LRGUK: variants seen among roughly 807,000 people sequenced by gnomAD.
The protein encoded by LRGUK is leucine-rich repeat and guanylate kinase domain-containing protein.
LRGUK carries 65 observed loss-of-function variants against 76.0 expected under a neutral mutation model. The ratio of observed to expected loss-of-function variants is 0.85; its 90% CI spans 0.70 to 1.05. The LOEUF (loss-of-function observed/expected upper bound fraction) is 1.05. LRGUK is among the 50% of genes least tolerant of loss of function. The pLI is 0.00. For synonymous variants in LRGUK, 268 were observed against 265.6 expected (o/e 1.01, Z -0.09); for missense variants, 758 against 732.8 (o/e 1.03, Z -0.40).
At chr7:134,241,120 G>A (rs536845481) in intron 16 of LRGUK, among the ~76,000 whole-genome samples, 3 of 152,120 alleles carry the variant, frequency 2.0e-5, no homozygotes, top group South Asian at 2.1e-4. Flanking sequence ...AAAGACCATC[G>A]ATGCTAGGAA....
At chr7:134,129,152 CTCTTTCTT>C (rs1426239410) in intron 1 of LRGUK, among the ~76,000 whole-genome samples, 1 of 124,684 alleles carries the variant, frequency 8.0e-6, no homozygotes, top group African/African-American at 3.1e-5. Flanking sequence ...CCCTTCCTTC[CTCTTTCTT>C]TCTTTCTTTC....
rs556802944 is a variant in LRGUK at position 134,198,920 on chromosome 7, A to AG, written c.1546-300_1546-299insG. On this transcript the variant is annotated intron_variant, in intron 13 of 15. Coordinates refer to ENST00000645682, the Ensembl canonical transcript of LRGUK. ...TAATAAAGTTGCAATATTGCTATGA[A>AG]TGTACCTATTTTATATCCAGCAATT... Among the ~76,000 whole-genome samples the AG allele has an allele frequency of 1.8e-3, 279 of 152,302 alleles. 1 individual carries two copies. Among genetic ancestry groups the AG allele is most frequent in the African/African-American group, 6.4e-3 (265 of 41,558 alleles).
intron 16 of LRGUK, among the ~76,000 whole-genome samples, chr7:134,232,544 C>G (rs946637142): frequency 6.6e-6 from 1 of 152,172 alleles, no homozygotes; most frequent in South Asian, 2.1e-4. Context: ...TCCCAAAGTG[C>G]TGGGATTACA....
At chr7:134,147,354 G>T (rs1563143610) in intron 4 of LRGUK, among the ~76,000 whole-genome samples, 2 of 151,098 alleles carry the variant, frequency 1.3e-5, no homozygotes, top group African/African-American at 4.9e-5. Context: ...AGAATTGCTT[G>T]AACCTGTGAG....
chr7:134,159,473 G>A (rs945297778), intron 6 of LRGUK, among the ~76,000 whole-genome samples: 27 of 152,048 alleles, frequency 1.8e-4, no homozygotes, highest in African/African-American at 6.3e-4. Flanking sequence ...CTTTCCCTTA[G>A]CTTAGAGCTC....
At chr7:134,151,687 C>T (rs185765796) in intron 5 of LRGUK, among the ~76,000 whole-genome samples, 3 of 152,062 alleles carry the variant, frequency 2.0e-5, no homozygotes, top group Admixed American at 1.3e-4. Flanking sequence ...CATGTATTAC[C>T]ACCAAATTGG....
intron 11 of LRGUK, among the ~76,000 whole-genome samples, chr7:134,191,084 C>T (rs575039034): frequency 1.6e-4 from 24 of 152,208 alleles, no homozygotes; most frequent in African/African-American, 5.5e-4. Flanking sequence ...AAGCACAGGG[C>T]ACATGAGATA....
intron 16 of LRGUK, among the ~76,000 whole-genome samples, chr7:134,236,126 A>G (rs1034241336): frequency 1.3e-5 from 2 of 152,122 alleles, no homozygotes; most frequent in African/African-American, 2.4e-5. Context: ...ATTAAAAAAC[A>G]AGGAAAATAA....
intron 13 of LRGUK, among the ~76,000 whole-genome samples, chr7:134,198,905 G>T (rs1800630749): frequency 6.6e-6 from 1 of 152,122 alleles, no homozygotes; most frequent in Non-Finnish European, 1.5e-5. Context: ...TAATAAAGTT[G>T]CAATATTGCT....
At chr7:134,260,797 C>T (rs1327637019) in intron 19 of LRGUK, among the ~76,000 whole-genome samples, 1 of 152,134 alleles carries the variant, frequency 6.6e-6, no homozygotes, top group Non-Finnish European at 1.5e-5. Flanking sequence ...CCCAGCTATG[C>T]CTGTTTGGGC....
In LRGUK at chr7:134,225,533, GT is replaced by G. The variant is rs543457481; in HGVS notation, c.1983+3618del. 8.7e-4 allele frequency among the ~76,000 whole-genome samples: 133 copies of G among 152,286 alleles called. 2 individuals are homozygous for G. Among genetic ancestry groups the G allele is most frequent in the Middle Eastern group, 3.4e-3 (1 of 294 alleles). On this transcript the variant is annotated intron_variant, in intron 16 of 19. Coordinates refer to the LRGUK transcript ENST00000285928. ...GTGCCTTTGCCTCTCAGTGCTAGTA[GT>G]TTAGGTGGAAATACAAATGTAACAA...
rs180899041 is a variant in LRGUK at position 134,243,914 on chromosome 7, T to C, written c.1984-3642T>C. ...TTAATACCACACATCTACAACCATCTGATCTTTGACAAACCTGACAAAAAC... is the reference window on the plus strand; with the variant it reads ...TTAATACCACACATCTACAACCATCCGATCTTTGACAAACCTGACAAAAAC... On this transcript the variant is annotated intron_variant, in intron 16 of 19. Transcript: ENST00000285928. Among the ~76,000 whole-genome samples, 611 of 152,324 alleles carry C rather than the reference T, an allele frequency of 4.0e-3. 3 individuals carry two copies. The highest frequency in any genetic ancestry group is 0.014 in the African/African-American group (573 of 41,576).
exon 16 of LRGUK, chr7:134,209,108 C>T (rs1801128760): frequency 2.5e-6 from 1 of 399,020 alleles, no homozygotes; most frequent in Admixed American, 4.4e-5. Flanking sequence ...TGGGCAGTCT[C>T]CCATCACCCC....
intron 15 of LRGUK, among the ~76,000 whole-genome samples, chr7:134,219,973 C>G (rs1216184639): frequency 2.0e-5 from 3 of 152,116 alleles, no homozygotes; most frequent in Non-Finnish European, 4.4e-5. Context: ...CTTGTCGTTA[C>G]TTGATATTAT....
At chr7:134,174,636 G>A in exon 8 of LRGUK, 2 of 1,550,608 alleles carry the variant, frequency 1.3e-6, no homozygotes, top group African/African-American at 1.4e-5. Flanking sequence ...ATCCAATTCA[G>A]GTGAGACATT....
chr7:134,208,282 GAAAC>G (rs1801090849), intron 15 of LRGUK, among the ~76,000 whole-genome samples: 1 of 152,144 alleles, frequency 6.6e-6, no homozygotes, highest in South Asian at 2.1e-4. Context: ...GTTAAATAAG[GAAAC>G]AAACAAATGG....
intron 15 of LRGUK, among the ~76,000 whole-genome samples, chr7:134,220,781 G>A (rs1801570984): frequency 6.6e-6 from 1 of 151,920 alleles, no homozygotes. Context: ...TGTTGGCCAG[G>A]CTGGTCTCAA....
intron 15 of LRGUK, among the ~76,000 whole-genome samples, chr7:134,204,943 C>T (rs139010318): frequency 1.3e-5 from 2 of 152,240 alleles, no homozygotes; most frequent in African/African-American, 4.8e-5. Context: ...TTGCTGACTT[C>T]AAGAATGGAG....
At chr7:134,171,089 G>A (rs777930760) in intron 7 of LRGUK, among the ~76,000 whole-genome samples, 17 of 151,248 alleles carry the variant, frequency 1.1e-4, no homozygotes, top group Non-Finnish European at 2.1e-4. Flanking sequence ...TCAGGCCTGC[G>A]GCAACCCAAG....
Sources: gnomAD v4.1 joint callset for allele counts (sites outside exome capture counted in the v4.1 genomes callset) on GRCh38, gnomAD v4.1.1 for gene constraint, MANE v1.5 for transcripts, NCBI Gene and HGNC (gene_info 2026-07-23, HGNC 2026-07-21) for gene names.